RNF216: variants seen among roughly 807,000 people sequenced by gnomAD.
RNF216 encodes the protein E3 ubiquitin-protein ligase RNF216.
Under a neutral mutation model 110.8 loss-of-function variants are expected in RNF216, and 72 were observed. The ratio of observed to expected loss-of-function variants is 0.65; its 90% CI spans 0.54 to 0.79. The LOEUF (loss-of-function observed/expected upper bound fraction) is 0.79. Among genes scored for constraint, RNF216 ranks in the 30% least tolerant of loss-of-function variants. The pLI is 0.00. For synonymous variants in RNF216, 495 were observed against 407.5 expected, an observed-to-expected ratio of 1.21 and a Z score of -2.59; for missense variants, 1,342 against 1,141.2, an observed-to-expected ratio of 1.18 and a Z score of -2.54.
intron 13 of RNF216, among the ~76,000 whole-genome samples, chr7:5,679,668 C>T (rs1212619387): frequency 1.3e-5 from 2 of 152,200 alleles, no homozygotes; most frequent in Admixed American, 1.3e-4. Flanking sequence ...GAGAGAATAG[C>T]CCTGTCATGG....
intron 9 of RNF216, among the ~76,000 whole-genome samples, chr7:5,719,433 G>C (rs143539237): frequency 1.3e-5 from 2 of 152,200 alleles, no homozygotes; most frequent in African/African-American, 2.4e-5. Flanking sequence ...GTCCAGGTCT[G>C]AGAAAGCAGA....
At chr7:5,771,533 A>G (rs1796494004) in intron 1 of RNF216, among the ~76,000 whole-genome samples, 1 of 152,242 alleles carries the variant, frequency 6.6e-6, no homozygotes, top group Non-Finnish European at 1.5e-5. Context: ...GCAGTGGCTC[A>G]TGCCTGTAAT....
intron 3 of RNF216, among the ~76,000 whole-genome samples, chr7:5,751,473 T>C (rs571269078): frequency 2.6e-5 from 4 of 152,218 alleles, no homozygotes; most frequent in African/African-American, 7.2e-5. Context: ...GGGAAGTTCA[T>C]TTGATCTTCC....
intron 2 of RNF216, among the ~76,000 whole-genome samples, chr7:5,760,796 AT>A (rs1415380248): frequency 2.0e-5 from 3 of 152,196 alleles, no homozygotes; most frequent in Non-Finnish European, 4.4e-5. Context: ...TAGCTTATTA[AT>A]CCATTTGTAA....
In RNF216 at chr7:5,696,168, G is replaced by A. The variant is rs539449099; in HGVS notation, c.2061+15593C>T. Among the ~76,000 whole-genome samples the A allele has an allele frequency of 9.2e-5, 14 of 152,320 alleles. No homozygotes were observed. In the East Asian group the frequency reaches 1.7e-3, roughly 19 times the overall value. ...TGACATCCACAGTCCATGTGGTGAC[G>A]AAGAGCAGTTGGTACCGCATGGCTT... On this transcript the variant is annotated intron_variant, in intron 13 of 16. Coordinates refer to ENST00000389902, the MANE Select transcript of RNF216 (RefSeq NM_207111.4). The surrounding 1 kb of genome is among the most constrained non-coding windows in gnomAD (Gnocchi z 5.4).
chr7:5,667,174 C>T (rs1273114540), intron 13 of RNF216, among the ~76,000 whole-genome samples: 1 of 152,164 alleles, frequency 6.6e-6, no homozygotes, highest in Non-Finnish European at 1.5e-5. Context: ...TAGATTATGA[C>T]TAGTGGATTT....
At chr7:5,670,061 G>A (rs2128594321) in intron 13 of RNF216, among the ~76,000 whole-genome samples, 1 of 152,086 alleles carries the variant, frequency 6.6e-6, no homozygotes, top group East Asian at 1.9e-4. Flanking sequence ...CGATTAGCTG[G>A]GATTACAGGC....
rs1299639015 is a variant in RNF216 at position 5,622,868 on chromosome 7, G to A, written c.2764C>T (p.Arg922Cys). Residue 922 changes from arginine to cysteine, a missense_variant, in exon 17 of 17, where the codon CGC becomes TGC. Transcript: ENST00000389902. ...ATGGGGATTCGGGGCCATCAGAAGC[G>A]ATGCCGCGGCTGGGGGCCAAAGTGC... ...PMHFGPQPRHRF is the reference protein window; with the variant it reads ...PMHFGPQPRHCF 2.5e-6 allele frequency: 4 copies of A among 1,600,476 alleles called. No individual in the cohort carries two copies. The highest frequency in any genetic ancestry group is 3.4e-6 in the Non-Finnish European group (4 of 1,170,966).
chr7:5,681,907 G>C (rs562812785), intron 13 of RNF216, among the ~76,000 whole-genome samples: 1 of 152,312 alleles, frequency 6.6e-6, no homozygotes, highest in South Asian at 2.1e-4. Context: ...AGCCCCTAAG[G>C]GTGGTAACCC....
At position 5,712,871 on chromosome 7, in the gene RNF216, A is replaced by G; in HGVS notation, c.1834-8T>C. 1.9e-6 allele frequency: 3 copies of G among 1,595,432 alleles called. No homozygotes were observed. Among genetic ancestry groups the G allele is most frequent in the Non-Finnish European group, 2.6e-6 (3 of 1,174,264 alleles). ...CATGCAGCTGAGCTCCAACTAGAAA[A>G]AGGCGAAAAGGCAAAGAAAAAAAAA... On this transcript the variant is annotated splice_region_variant and splice_polypyrimidine_tract_variant and intron_variant, in intron 11 of 16. Coordinates refer to ENST00000389902, the MANE Select transcript of RNF216 (RefSeq NM_207111.4).
At chr7:5,734,685 G>A (rs1442986993) in intron 5 of RNF216, among the ~76,000 whole-genome samples, 1 of 151,092 alleles carries the variant, frequency 6.6e-6, no homozygotes, top group African/African-American at 2.5e-5. Context: ...CAAGCCAGGT[G>A]AGGTAACACA....
At chr7:5,777,993 T>G (rs900214410) in intron 1 of RNF216, among the ~76,000 whole-genome samples, 1 of 152,208 alleles carries the variant, frequency 6.6e-6, no homozygotes, top group Non-Finnish European at 1.5e-5. Context: ...TTTTTAGAAC[T>G]GAATCTTCTG....
intron 1 of RNF216, among the ~76,000 whole-genome samples, chr7:5,767,903 G>C (rs1419519220): frequency 6.6e-6 from 1 of 152,062 alleles, no homozygotes; most frequent in Non-Finnish European, 1.5e-5. Context: ...CCAGCCTGTT[G>C]AGAGAGATTA....
intron 14 of RNF216, chr7:5,650,159 T>G (rs1317414143): frequency 1.3e-5 from 2 of 152,224 alleles, no homozygotes; most frequent in Non-Finnish European, 2.9e-5. Flanking sequence ...CTTCCAAAGC[T>G]AGGCTCATGA....
intron 16 of RNF216, 35 bp from the exon 17 acceptor site, chr7:5,623,214 T>TA: frequency 6.6e-7 from 1 of 1,519,816 alleles, no homozygotes; most frequent in African/African-American, 1.4e-5. Flanking sequence ...GAGAAAAACA[T>TA]TAAACCAACC....
intron 13 of RNF216, among the ~76,000 whole-genome samples, chr7:5,690,598 T>C (rs1791273751): frequency 6.6e-6 from 1 of 152,158 alleles, no homozygotes; most frequent in South Asian, 2.1e-4. Flanking sequence ...GCTTTCCCTG[T>C]ACATCTGCAA....
intron 1 of RNF216, among the ~76,000 whole-genome samples, chr7:5,773,139 AAAT>A (rs1409471153): frequency 2.0e-5 from 3 of 152,160 alleles, no homozygotes; most frequent in African/African-American, 7.2e-5. Flanking sequence ...CTCTCATTTG[AAAT>A]AATGATATTG....
chr7:5,689,712 G>C (rs1791208928), intron 13 of RNF216, among the ~76,000 whole-genome samples: 1 of 151,954 alleles, frequency 6.6e-6, no homozygotes, highest in South Asian at 2.1e-4. Context: ...TAGCACTTTG[G>C]GGAGGCCGAG....
chr7:5,635,763 C>T (rs894263784), intron 15 of RNF216, among the ~76,000 whole-genome samples: 9 of 152,324 alleles, frequency 5.9e-5, no homozygotes, highest in Middle Eastern at 3.4e-3. Context: ...GATACATCTG[C>T]CTTCGAGCAC....
Sources: allele counts gnomAD v4.1 joint callset (sites outside exome capture counted in the v4.1 genomes callset), GRCh38; gene constraint gnomAD v4.1.1; non-coding constraint Gnocchi (gnomAD v3.1); transcripts MANE v1.5; gene names NCBI Gene and HGNC (gene_info 2026-07-23, HGNC 2026-07-21).